Variants in STK31 observed in about 807,000 individuals in gnomAD.
The protein encoded by STK31 is serine/threonine-protein kinase 31.
In STK31, 89 loss-of-function variants were observed where a neutral mutation model predicts 129.7. That is an observed-to-expected ratio of 0.69 (90% CI 0.58 to 0.82). The LOEUF (loss-of-function observed/expected upper bound fraction) is 0.82. STK31 is among the 40% of genes least tolerant of loss of function. The pLI, the probability that STK31 is intolerant of heterozygous loss-of-function variation, is 0.00. For synonymous variants in STK31, 448 were observed against 395.3 expected (o/e 1.13, Z -1.58); for missense variants, 1,187 against 1,176.4 (o/e 1.01, Z -0.13).
chr7:23,792,290 G>A (rs1791666657), intron 22 of STK31, among the ~76,000 whole-genome samples: 1 of 152,098 alleles, frequency 6.6e-6, no homozygotes, highest in Admixed American at 6.6e-5. Flanking sequence ...AAAGATAGCA[G>A]TTTTAATTTC....
chr7:23,711,817 T>C (rs755527859), intron 1 of STK31, among the ~76,000 whole-genome samples: 2 of 152,228 alleles, frequency 1.3e-5, no homozygotes, highest in African/African-American at 2.4e-5. Flanking sequence ...TATTGATTTA[T>C]GTAAGTGATC....
rs199855918 is a variant in STK31 at position 23,736,888 on chromosome 7, G to A, written c.843-16G>A. The A allele has an allele frequency of 1.3e-6, 2 of 1,586,092 alleles. No homozygotes were observed. The highest frequency in any genetic ancestry group is 1.7e-6 in the Non-Finnish European group (2 of 1,168,534). On this transcript the variant is annotated splice_polypyrimidine_tract_variant and intron_variant, in intron 7 of 23. Transcript: ENST00000355870. ...ATACAGTTTGTTTGTCAAAATAAAT[G>A]AATTTGTTTTTATAGGGAAAGTTTG... is the stretch of plus-strand genomic sequence containing the variant.
chr7:23,741,598 C>A (rs986754628), intron 8 of STK31, among the ~76,000 whole-genome samples: 3 of 152,114 alleles, frequency 2.0e-5, no homozygotes, highest in African/African-American at 7.2e-5. Flanking sequence ...CTCCTTTGTT[C>A]CAGAGCAGGT....
In STK31 at chr7:23,727,334, A is replaced by C; in HGVS notation, c.324+19A>C. Reference sequence around the variant, plus strand: ...TGAAAAGGCAGGAAATTAAGTGTTCAGTTTTTTTTTGCTTTAAGAAATATT... The same window carrying C: ...TGAAAAGGCAGGAAATTAAGTGTTCCGTTTTTTTTTGCTTTAAGAAATATT... On this transcript the variant is annotated intron_variant, in intron 5 of 23. Coordinates refer to ENST00000355870, the MANE Select transcript of STK31 (RefSeq NM_031414.5). 2 of 1,609,756 alleles carry C rather than the reference A, an allele frequency of 1.2e-6. No homozygotes were observed. The highest frequency in any genetic ancestry group is 1.7e-6 in the Non-Finnish European group (2 of 1,177,108).
chr7:23,729,393 T>C (rs1787264874), intron 6 of STK31, 144 bp downstream of exon 6: 1 of 706,884 alleles, frequency 1.4e-6, no homozygotes. Flanking sequence ...AAAGCAATTA[T>C]ATATTTATGC....
At chr7:23,782,597 T>TGG (rs1791007765) in intron 16 of STK31, among the ~76,000 whole-genome samples, 1 of 152,082 alleles carries the variant, frequency 6.6e-6, no homozygotes, top group South Asian at 2.1e-4. Context: ...TTATGGACCT[T>TGG]GGGTTAAAAT....
At chr7:23,787,488 G>C (rs1175523562) in intron 20 of STK31, among the ~76,000 whole-genome samples, 3 of 152,036 alleles carry the variant, frequency 2.0e-5, no homozygotes, top group African/African-American at 7.2e-5. Context: ...CACAGCAGGA[G>C]GTGAGTGGCA....
At chr7:23,776,770 C>A (rs1174606629) in intron 15 of STK31, among the ~76,000 whole-genome samples, 2 of 152,104 alleles carry the variant, frequency 1.3e-5, no homozygotes, top group Admixed American at 6.6e-5. Flanking sequence ...AAAAAACCAA[C>A]TCCTGGATTC....
rs140584946 is a variant in STK31, at chr7:23,816,210, G to A, written c.2829+998G>A. ...CTTCCTGATTATCTCTGTGGAAGGG[G>A]ATAACAAAGAAGGTTGACTATGGTT... On this transcript the variant is annotated intron_variant, in intron 23 of 23. Coordinates refer to ENST00000355870, the MANE Select transcript of STK31 (RefSeq NM_031414.5). Among the ~76,000 whole-genome samples the A allele has an allele frequency of 3.1e-3, 469 of 152,186 alleles. 4 individuals carry two copies. The highest frequency in any genetic ancestry group is 0.01 in the African/African-American group (429 of 41,518).
At position 23,799,481 on chromosome 7, in the gene STK31, G is replaced by A. The variant is rs571226087; in HGVS notation, c.2760+8535G>A. ...CTGATCTTTGACAAACCTGACAGAA[G>A]CAAGCAATGGGGAAAGGATTCCCTA... On this transcript the variant is annotated intron_variant, in intron 22 of 23. Transcript: ENST00000355870. 6.2e-3 allele frequency among the ~76,000 whole-genome samples: 951 copies of A among 152,228 alleles called. 7 individuals are homozygous for A. The highest frequency in any genetic ancestry group is 8.2e-3 in the Non-Finnish European group (558 of 67,976).
intron 22 of STK31, among the ~76,000 whole-genome samples, chr7:23,794,733 G>A (rs192066052): frequency 5.3e-5 from 8 of 152,244 alleles, no homozygotes; most frequent in East Asian, 3.9e-4. Context: ...TAGAATAAAC[G>A]CGACTCTTGA....
intron 22 of STK31, among the ~76,000 whole-genome samples, chr7:23,792,819 G>A (rs1791722895): frequency 6.6e-6 from 1 of 152,116 alleles, no homozygotes. Context: ...GCCAGGAGTT[G>A]AAGACTAGCC....
chr7:23,716,814 T>C (rs1786352018), intron 3 of STK31, among the ~76,000 whole-genome samples: 1 of 150,856 alleles, frequency 6.6e-6, no homozygotes, highest in Admixed American at 6.6e-5. Context: ...TTTTTTTTTT[T>C]TCAAGACAGG....
chr7:23,827,163 G>A (rs557200800), intron 23 of STK31, among the ~76,000 whole-genome samples: 1 of 152,316 alleles, frequency 6.6e-6, no homozygotes, highest in Non-Finnish European at 1.5e-5. Flanking sequence ...GGTTGGGGAA[G>A]TTCTCCTGGA....
rs771021917 is a variant in STK31 at position 23,736,889 on chromosome 7, A to T, written c.843-15A>T. 2.5e-6 allele frequency: 4 copies of T among 1,587,842 alleles called. No homozygotes were observed. Among genetic ancestry groups the T allele is most frequent in the Admixed American group, 1.8e-5 (1 of 54,818 alleles). On this transcript the variant is annotated splice_polypyrimidine_tract_variant and intron_variant, in intron 7 of 23. Transcript: ENST00000355870. ...TACAGTTTGTTTGTCAAAATAAATGAATTTGTTTTTATAGGGAAAGTTTGG... is the reference window on the plus strand; with the variant it reads ...TACAGTTTGTTTGTCAAAATAAATGTATTTGTTTTTATAGGGAAAGTTTGG...
At chr7:23,771,223 A>G in intron 14 of STK31, 99 bp downstream of exon 14, 1 of 1,135,728 alleles carries the variant, frequency 8.8e-7, no homozygotes, top group Non-Finnish European at 1.2e-6. Context: ...GTGTCAGTAA[A>G]TTGTTATTAC....
At chr7:23,830,818 C>T (rs369678611) in intron 23 of STK31, among the ~76,000 whole-genome samples, 2 of 152,212 alleles carry the variant, frequency 1.3e-5, no homozygotes, top group Non-Finnish European at 1.5e-5. Context: ...CGAGGTTTCA[C>T]CATGTCAGCC....
intron 15 of STK31, among the ~76,000 whole-genome samples, chr7:23,779,078 C>T (rs778701719): frequency 6.6e-6 from 1 of 152,024 alleles, no homozygotes. Context: ...GTTAGTTTTC[C>T]TTCTAACAGT....
chr7:23,798,510 C>T (rs13227679), intron 22 of STK31, among the ~76,000 whole-genome samples: 54,997 of 122,674 alleles, frequency 0.45, 14,156 homozygotes, highest in Admixed American at 0.51. Flanking sequence ...CACATGATTA[C>T]CTCAATAGAT....
Sources: gnomAD v4.1 joint callset for allele counts (sites outside exome capture counted in the v4.1 genomes callset) on GRCh38, gnomAD v4.1.1 for gene constraint, MANE v1.5 for transcripts, NCBI Gene and HGNC (gene_info 2026-07-23, HGNC 2026-07-21) for gene names.